MSRA: variants seen among roughly 807,000 people sequenced by gnomAD.
MSRA encodes mitochondrial peptide methionine sulfoxide reductase.
MSRA carries 54 observed loss-of-function variants against 31.3 expected under a neutral mutation model. That is an observed-to-expected ratio of 1.73 (90% CI 1.39 to 2.17). The LOEUF (loss-of-function observed/expected upper bound fraction) is 2.17. Among genes scored for constraint, MSRA ranks in the 30% most tolerant of loss-of-function variants. The pLI, the probability that MSRA is intolerant of heterozygous loss-of-function variation, is 0.00. For missense variants in MSRA, 507 were observed against 300.9 expected (o/e 1.69, Z -5.07); for synonymous variants, 169 against 116.5 (o/e 1.45, Z -2.90).
intron 5 of MSRA, among the ~76,000 whole-genome samples, chr8:10,382,027 G>A (rs533434306): frequency 2.5e-4 from 38 of 152,308 alleles, no homozygotes; most frequent in Admixed American, 2.0e-4. Context: ...TTCTTTCTGC[G>A]TGGTACAAGG....
chr8:10,385,101 G>T (rs1444732807), intron 5 of MSRA, among the ~76,000 whole-genome samples: 1 of 152,204 alleles, frequency 6.6e-6, no homozygotes, highest in Non-Finnish European at 1.5e-5. Context: ...CAAAGGACAA[G>T]TGGGAGTTCA....
At chr8:10,096,250 G>A in intron 1 of MSRA, 1 of 1,185,990 alleles carries the variant, frequency 8.4e-7, no homozygotes, top group Non-Finnish European at 1.0e-6. Flanking sequence ...CCAGCAATTA[G>A]TGACAACACT....
At position 10,084,162 on chromosome 8, in the gene MSRA, G is replaced by C. The variant is rs954506131; in HGVS notation, c.142+29504G>C. Among the ~76,000 whole-genome samples the C allele has an allele frequency of 2.6e-5, 4 of 152,224 alleles. No homozygotes were observed. The East Asian group carries it at 5.8e-4, about 22-fold the overall frequency. On this transcript the variant is annotated intron_variant, in intron 1 of 5. Transcript: ENST00000317173. ...CTGGTTATGGAGTACTCTCCGACTT[G>C]TCCACGCTTCCAAGTTCTGATTTCT... is the stretch of plus-strand genomic sequence containing the variant.
intron 5 of MSRA, among the ~76,000 whole-genome samples, chr8:10,415,507 C>G (rs1470164570): frequency 6.6e-6 from 1 of 152,092 alleles, no homozygotes; most frequent in African/African-American, 2.4e-5. Context: ...GATGGAAAAT[C>G]AGGGGGTGTG....
At chr8:10,174,796 G>T (rs531639463) in intron 1 of MSRA, among the ~76,000 whole-genome samples, 1 of 152,224 alleles carries the variant, frequency 6.6e-6, no homozygotes, top group African/African-American at 2.4e-5. Context: ...TGACCTCAGA[G>T]ATGCCCTCCG....
intron 4 of MSRA, among the ~76,000 whole-genome samples, chr8:10,316,088 C>G (rs1397579168): frequency 6.6e-6 from 1 of 152,304 alleles, no homozygotes; most frequent in South Asian, 2.1e-4. Context: ...AAAAGCAACA[C>G]TATTTCATCT....
At chr8:10,419,849 T>A (rs1369336345) in intron 5 of MSRA, among the ~76,000 whole-genome samples, 1 of 152,142 alleles carries the variant, frequency 6.6e-6, no homozygotes, top group Non-Finnish European at 1.5e-5. Context: ...GCCACTGGGA[T>A]CAGCTGGGTT....
intron 1 of MSRA, among the ~76,000 whole-genome samples, chr8:10,072,991 C>G (rs1450902532): frequency 6.6e-6 from 1 of 152,090 alleles, no homozygotes; most frequent in East Asian, 1.9e-4. Flanking sequence ...TAGAAGTTTT[C>G]TCATAGACTT....
chr8:10,275,733 C>A (rs2129103565), intron 3 of MSRA, among the ~76,000 whole-genome samples: 1 of 152,236 alleles, frequency 6.6e-6, no homozygotes, highest in South Asian at 2.1e-4. Context: ...TCGACTCTGT[C>A]ACTTATAAGC....
chr8:10,106,631 A>G (rs1799901296), intron 1 of MSRA, among the ~76,000 whole-genome samples: 1 of 152,220 alleles, frequency 6.6e-6, no homozygotes, highest in Non-Finnish European at 1.5e-5. Flanking sequence ...TGGGCTTGTT[A>G]GTAGCAATGC....
intron 3 of MSRA, among the ~76,000 whole-genome samples, chr8:10,261,956 G>A (rs145434831): frequency 1.3e-3 from 192 of 152,288 alleles, no homozygotes; most frequent in African/African-American, 4.3e-3. Context: ...TGTGATTCGA[G>A]AATGGGTGGA....
At chr8:10,377,369 C>T (rs1475055436) in intron 5 of MSRA, among the ~76,000 whole-genome samples, 3 of 152,244 alleles carry the variant, frequency 2.0e-5, no homozygotes, top group African/African-American at 7.2e-5. Flanking sequence ...TTATAAAGAA[C>T]CAGATTCTCT....
At chr8:10,219,085 G>C (rs1009086464) in intron 2 of MSRA, among the ~76,000 whole-genome samples, 2 of 152,152 alleles carry the variant, frequency 1.3e-5, no homozygotes, top group South Asian at 4.1e-4. Context: ...AGGGCCTGAG[G>C]GTTGGAGGAG....
intron 1 of MSRA, among the ~76,000 whole-genome samples, chr8:10,201,440 T>A (rs934653267): frequency 1.4e-4 from 21 of 152,252 alleles, no homozygotes; most frequent in African/African-American, 5.1e-4. Context: ...GTTCCTGGAA[T>A]CTCCAGTTAG....
At position 10,097,227 on chromosome 8, in the gene MSRA, G is replaced by A. The variant is rs1249969401; in HGVS notation, c.142+42569G>A. ...GAGGTGTTTGAACAGTTAAGCTTAA[G>A]TATGTTCTTCAACTTTTTAATTAAT... On this transcript the variant is annotated intron_variant, in intron 1 of 5. Coordinates refer to ENST00000317173, the MANE Select transcript of MSRA (RefSeq NM_012331.5). 2.6e-5 allele frequency among the ~76,000 whole-genome samples: 4 copies of A among 152,276 alleles called. 1 individual carries two copies. The South Asian group carries it at 8.3e-4, about 32-fold the overall frequency.
chr8:10,248,737 G>A (rs1433959358), intron 3 of MSRA, among the ~76,000 whole-genome samples: 8 of 152,238 alleles, frequency 5.3e-5, no homozygotes, highest in African/African-American at 1.9e-4. Context: ...TAGTAGCTGA[G>A]AGAGGAGGTG....
chr8:10,313,474 AAAAAAAC>A (rs1801546853), intron 4 of MSRA, among the ~76,000 whole-genome samples: 2 of 152,130 alleles, frequency 1.3e-5, no homozygotes, highest in African/African-American at 4.8e-5. Context: ...ATCTAAAAAA[AAAAAAAC>A]AAAAAACAAA....
At position 10,055,226 on chromosome 8, in the gene MSRA, A is replaced by G. The variant is rs554699792; in HGVS notation, c.142+568A>G. 6.5e-3 allele frequency among the ~76,000 whole-genome samples: 992 copies of G among 152,308 alleles called. 6 individuals are homozygous for G. Among genetic ancestry groups the G allele is most frequent in the Non-Finnish European group, 0.011 (731 of 67,996 alleles). On this transcript the variant is annotated intron_variant, in intron 1 of 5. Transcript: ENST00000317173. ...GGTCGGCCCCGCTGTCCCCAGGGGC[A>G]GGGGCTGCCGTATGCTGGGTCAGCT...
chr8:10,134,453 C>T (rs1316404593), intron 1 of MSRA, among the ~76,000 whole-genome samples: 1 of 152,204 alleles, frequency 6.6e-6, no homozygotes, highest in Non-Finnish European at 1.5e-5. Flanking sequence ...TCAGTTTATC[C>T]CTGTGCCGGT....
Sources: gnomAD v4.1 joint callset for allele counts (sites outside exome capture counted in the v4.1 genomes callset) on GRCh38, gnomAD v4.1.1 for gene constraint, MANE v1.5 for transcripts, NCBI Gene and HGNC (gene_info 2026-07-23, HGNC 2026-07-21) for gene names.